CREB5: variants seen among roughly 807,000 people sequenced by gnomAD.
The protein encoded by CREB5 is cAMP responsive element binding protein 5.
In CREB5, 19 loss-of-function variants were observed where a neutral mutation model predicts 57.1. The observed-to-expected ratio is 0.33, with a 90% confidence interval of 0.23 to 0.49. The LOEUF is 0.49. CREB5 is among the 20% of genes least tolerant of loss of function. The pLI, the probability that CREB5 is intolerant of heterozygous loss-of-function variation, is 0.99. For missense variants in CREB5, 579 were observed against 671.6 expected, an observed-to-expected ratio of 0.86 and a Z score of 1.52; for synonymous variants, 238 against 238.3, an observed-to-expected ratio of 1.00 and a Z score of 0.01.
chr7:28,755,026 ACT>A (rs1282963403), intron 7 of CREB5, among the ~76,000 whole-genome samples: 1 of 152,106 alleles, frequency 6.6e-6, no homozygotes, highest in Non-Finnish European at 1.5e-5. Context: ...GGTAAGATTG[ACT>A]CTTTAAATTA....
At chr7:28,444,624 T>A (rs1789348033) in intron 1 of CREB5, among the ~76,000 whole-genome samples, 1 of 152,148 alleles carries the variant, frequency 6.6e-6, no homozygotes, top group Non-Finnish European at 1.5e-5. Context: ...AAAAGAAGCC[T>A]GACTTGGTGC....
At chr7:28,668,587 G>A (rs574077108) in intron 5 of CREB5, among the ~76,000 whole-genome samples, 1 of 152,246 alleles carries the variant, frequency 6.6e-6, no homozygotes, top group East Asian at 1.9e-4. Context: ...TAGTAAGGAA[G>A]GGAGAAGGAA....
At chr7:28,447,172 T>C (rs1015316098) in intron 1 of CREB5, among the ~76,000 whole-genome samples, 13 of 152,216 alleles carry the variant, frequency 8.5e-5, no homozygotes, top group African/African-American at 2.7e-4. Flanking sequence ...ATGTTAGCAA[T>C]TGTTCTGACT....
At position 28,821,125 on chromosome 7, in the gene CREB5, A is replaced by AGT. The variant is rs1809739276; in HGVS notation, c.*1846_*1847insGT. On this transcript the variant is annotated 3_prime_UTR_variant, in exon 11 of 11. Coordinates refer to ENST00000357727, the MANE Select transcript of CREB5 (RefSeq NM_182898.4). Reference sequence around the variant, plus strand: ...TCTCCATTTGAATGCTTGACCTCTTAATGTGTGTGTGTGTGTGTGTGTGTG... The same window carrying AGT: ...TCTCCATTTGAATGCTTGACCTCTTAGTATGTGTGTGTGTGTGTGTGTGTGTG... 2.8e-4 allele frequency: 17 copies of AGT among 59,870 alleles called. No individual in the cohort carries two copies. The highest frequency in any genetic ancestry group is 1.2e-3 in the African/African-American group (15 of 13,004). 3.7% of individuals were successfully genotyped at this position (59,870 alleles called of 1,614,324 possible).
intron 5 of CREB5, among the ~76,000 whole-genome samples, chr7:28,658,977 A>ATATGTATG (rs1554281606): frequency 3.9e-5 from 5 of 128,760 alleles, no homozygotes; most frequent in African/African-American, 1.4e-4. Context: ...ATATATATAT[A>ATATGTATG]TATGTATATA....
intron 5 of CREB5, among the ~76,000 whole-genome samples, chr7:28,648,761 A>T (rs1186825601): frequency 6.6e-6 from 1 of 152,132 alleles, no homozygotes; most frequent in East Asian, 1.9e-4. Flanking sequence ...AAATGATAAT[A>T]ACTTTGAAAA....
chr7:28,320,154 C>T (rs922550235), intron 1 of CREB5, among the ~76,000 whole-genome samples: 2 of 152,032 alleles, frequency 1.3e-5, no homozygotes, highest in African/African-American at 4.8e-5. Flanking sequence ...TGGTCTCGAA[C>T]ACCTGACCTC....
rs1809816488 is a variant in CREB5, at chr7:28,822,311, A to G, written c.*3032A>G. On this transcript the variant is annotated 3_prime_UTR_variant, in exon 11 of 11. Coordinates refer to ENST00000357727, the MANE Select transcript of CREB5 (RefSeq NM_182898.4). Reference sequence around the variant, plus strand: ...ATTGGTCAAATCCAACACTTGGCTTATCAATATTAAGTCTTTTACCTAAAG... The same window carrying G: ...ATTGGTCAAATCCAACACTTGGCTTGTCAATATTAAGTCTTTTACCTAAAG... 2 of 152,422 alleles carry G rather than the reference A, an allele frequency of 1.3e-5. No individual in the cohort carries two copies. Among genetic ancestry groups the G allele is most frequent in the Non-Finnish European group, 2.9e-5 (2 of 68,044 alleles). The allele number at this position is 152,422 out of a possible 1,614,324, so 9.4% of individuals were successfully genotyped here. A position where few individuals can be genotyped will look rare whatever the true frequency, so the allele number is the denominator to read the frequency against.
chr7:28,410,456 C>T (rs115746904), upstream of CREB5: 1,391 of 456,662 alleles, frequency 3.0e-3, 21 homozygotes, highest in African/African-American at 0.025. Context: ...GGGCAAGATG[C>T]GAAGGAAGGA....
chr7:28,757,919 C>A (rs1805427851), intron 7 of CREB5, among the ~76,000 whole-genome samples: 1 of 151,966 alleles, frequency 6.6e-6, no homozygotes, highest in South Asian at 2.1e-4. Flanking sequence ...AGATGTTGGG[C>A]CATTTTGGAT....
rs557658775 is a variant in CREB5 at position 28,412,821 on chromosome 7, G to C, written c.-94G>C. On this transcript the variant is annotated 5_prime_UTR_variant, in exon 1 of 11. Transcript: ENST00000357727. ...CAAGACTTATTTTCTTCCTAATCTT[G>C]CTGGTGAAACAGAAGTTACTAGAAA... is the stretch of plus-strand genomic sequence containing the variant. 69 of 1,167,264 alleles carry C rather than the reference G, an allele frequency of 5.9e-5. 1 individual carries two copies. In the South Asian group the frequency reaches 6.2e-4, roughly 11 times the overall value. 72.3% of individuals were successfully genotyped at this position (1,167,264 alleles called of 1,614,324 possible). A position where few individuals can be genotyped will look rare whatever the true frequency, so the allele number is the denominator to read the frequency against.
chr7:28,633,498 A>G (rs1028971153), intron 5 of CREB5, among the ~76,000 whole-genome samples: 2 of 152,184 alleles, frequency 1.3e-5, no homozygotes, highest in South Asian at 2.1e-4. Context: ...CATTCAGAGA[A>G]AAAGCACTCT....
chr7:28,694,825 G>A (rs920075512), intron 5 of CREB5, among the ~76,000 whole-genome samples: 2 of 152,290 alleles, frequency 1.3e-5, no homozygotes, highest in Admixed American at 1.3e-4. Flanking sequence ...AGGGTTATAG[G>A]CGTGAGCTAC....
At chr7:28,741,609 T>C (rs572308624) in intron 7 of CREB5, among the ~76,000 whole-genome samples, 35 of 152,344 alleles carry the variant, frequency 2.3e-4, no homozygotes, top group African/African-American at 7.7e-4. Flanking sequence ...TCTTCTTTTA[T>C]TACCATGATC....
chr7:28,410,587 A>C, upstream of CREB5: 1 of 455,838 alleles, frequency 2.2e-6, no homozygotes, highest in Non-Finnish European at 4.4e-6. Flanking sequence ...CCCCATCCCC[A>C]ACTTTCCCTG....
intron 5 of CREB5, among the ~76,000 whole-genome samples, chr7:28,627,024 A>C (rs1798020659): frequency 6.6e-6 from 1 of 152,202 alleles, no homozygotes; most frequent in Non-Finnish European, 1.5e-5. Flanking sequence ...TTGACAGACA[A>C]AGTTATTAAA....
At chr7:28,623,474 G>T (rs1379918108) in intron 5 of CREB5, among the ~76,000 whole-genome samples, 1 of 152,140 alleles carries the variant, frequency 6.6e-6, no homozygotes, top group Non-Finnish European at 1.5e-5. Context: ...AGGGTTAAAT[G>T]GTTGTCTCAG....
At chr7:28,566,666 GAA>G (rs59194381) in intron 4 of CREB5, among the ~76,000 whole-genome samples, 1 of 151,556 alleles carries the variant, frequency 6.6e-6, no homozygotes, top group Non-Finnish European at 1.5e-5. Context: ...AAAGCTTAAA[GAA>G]AAAAAAATCG....
At chr7:28,541,336 T>C (rs112041738) in intron 4 of CREB5, among the ~76,000 whole-genome samples, 3,680 of 152,106 alleles carry the variant, frequency 0.024, 162 homozygotes, top group African/African-American at 0.084. Flanking sequence ...GAAGAAAGAA[T>C]GCGCAGAACC....
Sources: gnomAD v4.1 joint callset for allele counts (sites outside exome capture counted in the v4.1 genomes callset) on GRCh38, gnomAD v4.1.1 for gene constraint, MANE v1.5 for transcripts, NCBI Gene and HGNC (gene_info 2026-07-23, HGNC 2026-07-21) for gene names.